FRMD3: variants seen among roughly 807,000 people sequenced by gnomAD.
The protein encoded by FRMD3 is FERM domain-containing protein 3.
FRMD3 carries 33 observed loss-of-function variants against 70.2 expected under a neutral mutation model. The observed-to-expected ratio is 0.47, with a 90% CI of 0.36 to 0.63. FRMD3 has a LOEUF of 0.63. Among genes scored for constraint, FRMD3 ranks in the 20% least tolerant of loss-of-function variants. The pLI is 0.00. For synonymous variants in FRMD3, 279 were observed against 255.9 expected (o/e 1.09, Z -0.86); for missense variants, 632 against 711.4 (o/e 0.89, Z 1.27).
At chr9:83,421,979 C>T (rs535999499) in intron 1 of FRMD3, among the ~76,000 whole-genome samples, 19 of 152,296 alleles carry the variant, frequency 1.2e-4, no homozygotes, top group South Asian at 1.2e-3. Flanking sequence ...AATCCCAGCA[C>T]TTTGGGAGGC....
chr9:83,342,504 A>G (rs1823795017), intron 5 of FRMD3, among the ~76,000 whole-genome samples: 1 of 152,166 alleles, frequency 6.6e-6, no homozygotes, highest in South Asian at 2.1e-4. Flanking sequence ...TTGGTAACTT[A>G]TCCATGGTGA....
chr9:83,469,979 A>G (rs2131456736), intron 1 of FRMD3, among the ~76,000 whole-genome samples: 1 of 152,338 alleles, frequency 6.6e-6, no homozygotes, highest in Middle Eastern at 3.4e-3. Context: ...TGGGGATAGG[A>G]CCCAGGCATT....
At chr9:83,418,937 A>G (rs1826538597) in intron 1 of FRMD3, among the ~76,000 whole-genome samples, 1 of 152,208 alleles carries the variant, frequency 6.6e-6, no homozygotes, top group South Asian at 2.1e-4. Flanking sequence ...TATATACACC[A>G]TGGAATTCTA....
intron 1 of FRMD3, among the ~76,000 whole-genome samples, chr9:83,484,584 A>G (rs1236320211): frequency 6.6e-6 from 1 of 152,034 alleles, no homozygotes; most frequent in East Asian, 1.9e-4. Context: ...CACCTGGCTA[A>G]ATTTTTTATT....
At chr9:83,355,286 T>C (rs890362474) in intron 3 of FRMD3, among the ~76,000 whole-genome samples, 1 of 152,196 alleles carries the variant, frequency 6.6e-6, no homozygotes, top group Non-Finnish European at 1.5e-5. Flanking sequence ...AAATGTCTGA[T>C]GAAGGAGCTA....
chr9:83,572,122 AATAG>A, the FRMD3 span, among the ~76,000 whole-genome samples: 260 of 151,704 alleles, frequency 1.7e-3, 3 homozygotes, highest in African/African-American at 6.2e-3. Flanking sequence ...GAAATGGAGC[AATAG>A]ATAGATGGTG....
At chr9:83,330,339 A>AG (rs1836212231) in intron 6 of FRMD3, among the ~76,000 whole-genome samples, 1 of 59,842 alleles carries the variant, frequency 1.7e-5, no homozygotes, top group African/African-American at 5.4e-5. Context: ...AAAAAAAAAC[A>AG]AAAAAAACAG....
intron 2 of FRMD3, among the ~76,000 whole-genome samples, chr9:83,379,540 G>A (rs1177915618): frequency 6.6e-6 from 1 of 152,050 alleles, no homozygotes; most frequent in Non-Finnish European, 1.5e-5. Flanking sequence ...ATTTCCAAAG[G>A]CTATAAGAAA....
intron 6 of FRMD3, among the ~76,000 whole-genome samples, chr9:83,326,415 A>C (rs1002600593): frequency 6.6e-6 from 1 of 152,096 alleles, no homozygotes; most frequent in Non-Finnish European, 1.5e-5. Context: ...CTTTGGGCTT[A>C]ACCTCAGATC....
intron 3 of FRMD3, among the ~76,000 whole-genome samples, chr9:83,366,291 C>T (rs1203918786): frequency 6.6e-6 from 1 of 152,158 alleles, no homozygotes; most frequent in African/African-American, 2.4e-5. Context: ...AGATCCTAGG[C>T]CAGGTGCTGT....
At chr9:83,512,210 A>G (rs1829353200) in intron 1 of FRMD3, among the ~76,000 whole-genome samples, 2 of 152,334 alleles carry the variant, frequency 1.3e-5, no homozygotes, top group South Asian at 4.1e-4. Context: ...ATTATTTGGT[A>G]AAGTGTGCTC....
intron 1 of FRMD3, among the ~76,000 whole-genome samples, chr9:83,483,572 A>G (rs1828618292): frequency 6.6e-6 from 1 of 152,142 alleles, no homozygotes; most frequent in African/African-American, 2.4e-5. Context: ...TCTGATACAA[A>G]TGTAACTTGT....
At chr9:83,296,628 G>A (rs1834672049) in intron 12 of FRMD3, among the ~76,000 whole-genome samples, 1 of 152,178 alleles carries the variant, frequency 6.6e-6, no homozygotes, top group Non-Finnish European at 1.5e-5. Flanking sequence ...CCAGGGGGAG[G>A]TGGAACAGAA....
At chr9:83,430,471 G>T (rs1466034086) in intron 1 of FRMD3, among the ~76,000 whole-genome samples, 2 of 152,176 alleles carry the variant, frequency 1.3e-5, no homozygotes, top group Non-Finnish European at 2.9e-5. Flanking sequence ...AAGACCTAAG[G>T]CAGACTAATG....
intron 1 of FRMD3, among the ~76,000 whole-genome samples, chr9:83,464,652 G>A (rs115378498): frequency 3.9e-5 from 6 of 152,232 alleles, no homozygotes; most frequent in South Asian, 2.1e-4. Context: ...TGGACACCTC[G>A]TTCCTGGGTT....
downstream of FRMD3, chr9:83,243,252 G>C: frequency 1.3e-6 from 2 of 1,547,664 alleles, no homozygotes; most frequent in Non-Finnish European, 1.7e-6. Context: ...GAAAAGGAGA[G>C]AGGGAGAGAG....
the FRMD3 span, among the ~76,000 whole-genome samples, chr9:83,553,028 C>T: frequency 7.2e-5 from 11 of 152,120 alleles, no homozygotes; most frequent in Admixed American, 6.5e-5. Flanking sequence ...TGCCACTATG[C>T]TGTTAGCTGG....
chr9:83,556,137 C>T, the FRMD3 span, among the ~76,000 whole-genome samples: 2 of 152,032 alleles, frequency 1.3e-5, no homozygotes. Context: ...AGTCAGCCAT[C>T]TTGGCCACTC....
rs1453524711 is a variant in FRMD3 at position 83,452,550 on chromosome 9, C to T, written c.148-62842G>A. 2.6e-5 allele frequency among the ~76,000 whole-genome samples: 4 copies of T among 152,020 alleles called. No individual in the cohort carries two copies. The East Asian group carries it at 5.9e-4, about 22-fold the overall frequency. ...AGGCTGGAGTGCAGTGGTGCGATCT[C>T]GGCTCACTGCAAGCACCGCCTCCCG... On this transcript the variant is annotated intron_variant, in intron 1 of 13. Coordinates refer to ENST00000304195, the MANE Select transcript of FRMD3 (RefSeq NM_174938.6).
Sources: allele counts gnomAD v4.1 joint callset (sites outside exome capture counted in the v4.1 genomes callset), GRCh38; gene constraint gnomAD v4.1.1; transcripts MANE v1.5; gene names NCBI Gene and HGNC (gene_info 2026-07-23, HGNC 2026-07-21).